Variants in RFC3 observed in about 807,000 individuals in gnomAD.
RFC3 encodes replication factor C subunit 3.
Under a neutral mutation model 45.1 loss-of-function variants are expected in RFC3, and 41 were observed. That is an observed-to-expected ratio of 0.91 (90% CI 0.71 to 1.18). The LOEUF is 1.18. Among genes scored for constraint, RFC3 ranks in the 50% most tolerant of loss-of-function variants. The pLI, the probability that RFC3 is intolerant of heterozygous loss-of-function variation, is 0.00. For synonymous variants in RFC3, 149 were observed against 144.0 expected, an observed-to-expected ratio of 1.03 and a Z score of -0.25; for missense variants, 423 against 428.1, an observed-to-expected ratio of 0.99 and a Z score of 0.10.
intron 8 of RFC3, among the ~76,000 whole-genome samples, chr13:33,853,970 A>G (rs1369815664): frequency 1.3e-5 from 2 of 152,222 alleles, no homozygotes; most frequent in African/African-American, 2.4e-5. Context: ...TGACACAGTC[A>G]TCACGGGGAG....
chr13:33,877,911 A>G (rs2082458801), intron 8 of RFC3, among the ~76,000 whole-genome samples: 1 of 150,892 alleles, frequency 6.6e-6, no homozygotes, highest in Non-Finnish European at 1.5e-5. Flanking sequence ...ACAATATTAT[A>G]TAATATAGGC....
At chr13:33,843,935 C>A (rs2082218468) in intron 8 of RFC3, among the ~76,000 whole-genome samples, 2 of 152,184 alleles carry the variant, frequency 1.3e-5, no homozygotes, top group Non-Finnish European at 2.9e-5. Context: ...ACTATATCTA[C>A]ATTTATATGC....
intron 8 of RFC3, among the ~76,000 whole-genome samples, chr13:33,917,207 C>A (rs923839930): frequency 6.6e-6 from 1 of 152,158 alleles, no homozygotes; most frequent in Non-Finnish European, 1.5e-5. Flanking sequence ...CCAGCCCCCT[C>A]ATTTCACAGA....
chr13:33,841,799 A>G (rs1041173032), downstream of RFC3, among the ~76,000 whole-genome samples: 2 of 152,050 alleles, frequency 1.3e-5, no homozygotes, highest in African/African-American at 2.4e-5. Context: ...TTGAGTCCTA[A>G]TTTAGCTTTA....
chr13:33,837,051 A>T lies in RFC3; in HGVS notation c.*756A>T. The T allele has an allele frequency of 1.0e-6, 1 of 984,504 alleles. No individual in the cohort carries two copies. The allele number at this position is 984,504 out of a possible 1,614,324, so 61.0% of individuals were successfully genotyped here. On this transcript the variant is annotated 3_prime_UTR_variant, in exon 9 of 9. Coordinates refer to ENST00000380071, the MANE Select transcript of RFC3 (RefSeq NM_002915.4). ...GTTCATGGACCAAAGGGTTTACTTGACAAATTTGTGTGACAGACTCCGAAC... is the reference window on the plus strand; with the variant it reads ...GTTCATGGACCAAAGGGTTTACTTGTCAAATTTGTGTGACAGACTCCGAAC...
chr13:33,959,384 C>G (rs995556780), intron 8 of RFC3, among the ~76,000 whole-genome samples: 2 of 152,194 alleles, frequency 1.3e-5, no homozygotes, highest in African/African-American at 4.8e-5. Flanking sequence ...GTTCTTCCCT[C>G]AAGGCCCCTG....
chr13:33,879,889 C>T (rs1282829150), intron 8 of RFC3, among the ~76,000 whole-genome samples: 2 of 152,186 alleles, frequency 1.3e-5, no homozygotes, highest in African/African-American at 4.8e-5. Flanking sequence ...CCAGAGATGG[C>T]CTGCATTTCT....
downstream of RFC3, among the ~76,000 whole-genome samples, chr13:33,839,717 T>C (rs989847466): frequency 6.6e-6 from 1 of 152,220 alleles, no homozygotes; most frequent in Non-Finnish European, 1.5e-5. Flanking sequence ...TTTTGTAGAC[T>C]CAAATTTCAG....
rs2137879104 is a variant in RFC3, at chr13:33,966,261, ATGTTATT to A, written c.*138_*144del. On this transcript the variant is annotated 3_prime_UTR_variant, in exon 9 of 9. Coordinates refer to the RFC3 transcript ENST00000434425. The stretch of plus-strand genomic sequence containing the variant: ...GCTCAAGATTCAGACTCCAGCCTGA[ATGTTATT>A]TCCTGAGAAAATCCCTCCCTGACCC... The A allele has an allele frequency of 9.8e-6, 7 of 711,056 alleles. No homozygotes were observed. In the South Asian group the frequency reaches 1.1e-4, roughly 11 times the overall value. 44.0% of individuals were successfully genotyped at this position (711,056 alleles called of 1,614,324 possible). A position where few individuals can be genotyped will look rare whatever the true frequency, so the allele number is the denominator to read the frequency against.
chr13:33,885,402 G>A (rs1335208683), intron 8 of RFC3, among the ~76,000 whole-genome samples: 2 of 151,784 alleles, frequency 1.3e-5, no homozygotes, highest in Non-Finnish European at 1.5e-5. Flanking sequence ...ATACTGCATA[G>A]TGATAAAGTC....
At chr13:33,886,342 T>C (rs1267238489) in intron 8 of RFC3, among the ~76,000 whole-genome samples, 10 of 152,020 alleles carry the variant, frequency 6.6e-5, no homozygotes, top group Admixed American at 6.5e-4. Flanking sequence ...GTCAGGAGAC[T>C]GAGACCATCC....
intron 8 of RFC3, among the ~76,000 whole-genome samples, chr13:33,949,111 C>T (rs1215831060): frequency 2.0e-5 from 3 of 152,166 alleles, no homozygotes; most frequent in East Asian, 1.9e-4. Flanking sequence ...CCTTTCCCCA[C>T]GTGTCAAGTG....
chr13:33,834,338 T>C (rs1430902457), intron 7 of RFC3, among the ~76,000 whole-genome samples: 1 of 114,346 alleles, frequency 8.7e-6, no homozygotes, highest in African/African-American at 4.2e-5. Context: ...ATATCTGTAC[T>C]GTAAAAATTC....
chr13:33,878,826 G>A (rs1408780307), intron 8 of RFC3, among the ~76,000 whole-genome samples: 1 of 151,962 alleles, frequency 6.6e-6, no homozygotes, highest in East Asian at 1.9e-4. Flanking sequence ...CCTTTTCTTT[G>A]TTTATTCATT....
intron 8 of RFC3, chr13:33,847,720 CCTT>C (rs772394146): frequency 6.6e-6 from 1 of 152,074 alleles, no homozygotes; most frequent in East Asian, 1.9e-4. Flanking sequence ...ATCTGGTTTT[CCTT>C]CTTATAACTT....
At chr13:33,959,175 A>C (rs928021565) in intron 8 of RFC3, among the ~76,000 whole-genome samples, 1 of 152,070 alleles carries the variant, frequency 6.6e-6, no homozygotes, top group Admixed American at 6.6e-5. Context: ...TCTTGTGTTA[A>C]ATTCCTCCCA....
At chr13:33,819,594 G>A (rs969313919) in intron 1 of RFC3, among the ~76,000 whole-genome samples, 1 of 152,064 alleles carries the variant, frequency 6.6e-6, no homozygotes, top group Non-Finnish European at 1.5e-5. Flanking sequence ...GATACTGCAT[G>A]TATACTAATT....
intron 8 of RFC3, among the ~76,000 whole-genome samples, chr13:33,918,821 G>A (rs1214764028): frequency 6.6e-6 from 1 of 152,078 alleles, no homozygotes; most frequent in Non-Finnish European, 1.5e-5. Context: ...CAGAATTGAT[G>A]TGGCCATATT....
intron 4 of RFC3, among the ~76,000 whole-genome samples, chr13:33,826,872 A>G (rs1323602279): frequency 6.6e-6 from 1 of 152,136 alleles, no homozygotes; most frequent in Non-Finnish European, 1.5e-5. Flanking sequence ...GTTAATAGTA[A>G]TAGAGATAGC....
Sources: allele counts gnomAD v4.1 joint callset (sites outside exome capture counted in the v4.1 genomes callset), GRCh38; gene constraint gnomAD v4.1.1; transcripts MANE v1.5; gene names NCBI Gene and HGNC (gene_info 2026-07-23, HGNC 2026-07-21).